The following ZNF106 variants were observed in gnomAD, a reference collection of about 807,000 sequenced individuals.
ZNF106 encodes the protein zinc finger protein 106.
A neutral mutation model predicts 195.1 loss-of-function variants in ZNF106; 67 were observed. That is an observed-to-expected ratio of 0.34 (90% CI 0.28 to 0.42). The LOEUF (loss-of-function observed/expected upper bound fraction) is 0.42, where lower values mean the gene tolerates loss of function less well. Ranked by LOEUF, ZNF106 falls within the 10% of genes least tolerant of loss-of-function variation. The probability of loss-of-function intolerance (pLI) is 1.00; values close to 1 mark genes in which losing one functional copy is unlikely to be tolerated. For synonymous variants in ZNF106, 784 were observed against 818.6 expected, an observed-to-expected ratio of 0.96 and a Z score of 0.72; for missense variants, 2,118 against 2,304.5, an observed-to-expected ratio of 0.92 and a Z score of 1.66.
chr15:42,446,509 G>T, intron 7 of ZNF106, 80 bp downstream of exon 7: 3 of 1,067,458 alleles, frequency 2.8e-6, no homozygotes, highest in Non-Finnish European at 4.2e-6. Context: ...CCCAAGAGTT[G>T]GAGGTTACCA....
chr15:42,463,672 C>T (rs953917040), intron 3 of ZNF106, among the ~76,000 whole-genome samples: 1 of 152,108 alleles, frequency 6.6e-6, no homozygotes, highest in South Asian at 2.1e-4. Flanking sequence ...TGGTGGCACA[C>T]GCCTGTAGTC....
chr15:42,418,885 A>G (rs2141251907), intron 20 of ZNF106, among the ~76,000 whole-genome samples: 1 of 152,072 alleles, frequency 6.6e-6, no homozygotes, highest in African/African-American at 2.4e-5. Context: ...TTTTACTTAT[A>G]AACGTGGCTT....
intron 1 of ZNF106, among the ~76,000 whole-genome samples, chr15:42,480,837 T>C (rs1054257646): frequency 2.0e-5 from 3 of 152,084 alleles, no homozygotes; most frequent in African/African-American, 4.8e-5. Context: ...ATACAAAAAT[T>C]AGCTGGGCGT....
intron 15 of ZNF106, among the ~76,000 whole-genome samples, chr15:42,426,922 T>C (rs1470229346): frequency 1.3e-5 from 2 of 152,210 alleles, no homozygotes; most frequent in Non-Finnish European, 2.9e-5. Context: ...ACTTGGCACT[T>C]GATTATATAC....
chr15:42,462,064 T>A (rs1273685878), intron 3 of ZNF106, among the ~76,000 whole-genome samples: 2 of 152,232 alleles, frequency 1.3e-5, no homozygotes, highest in South Asian at 2.1e-4. Flanking sequence ...TACTAAAGGC[T>A]ATCCTCTAAA....
At chr15:42,447,748 G>A (rs763729865) in intron 6 of ZNF106, among the ~76,000 whole-genome samples, 3 of 152,168 alleles carry the variant, frequency 2.0e-5, no homozygotes, top group East Asian at 1.9e-4. Context: ...AGTGCAGAAC[G>A]CATCTATGAA....
At chr15:42,490,623 T>C (rs1277067871) in intron 1 of ZNF106, among the ~76,000 whole-genome samples, 1 of 152,222 alleles carries the variant, frequency 6.6e-6, no homozygotes, top group Non-Finnish European at 1.5e-5. Context: ...AATGTGTCCC[T>C]GGCCTGAGAC....
Position 42,449,690 on chromosome 15 carries a change from C to T in ZNF106, c.2501+81G>A, listed in dbSNP as rs1435699823. 2.2e-5 allele frequency: 33 copies of T among 1,501,044 alleles called. No homozygotes were observed. In the Middle Eastern group the frequency reaches 6.9e-4, roughly 32 times the overall value. The allele number at this position is 1,501,044 out of a possible 1,614,324, so 93.0% of individuals were successfully genotyped here. A position where few individuals can be genotyped will look rare whatever the true frequency, so the allele number is the denominator to read the frequency against. ...GGCAAACATTTAATTAAATGAAACA[C>T]GTAGAATTCTCTTGATCAGGGTCAA... On this transcript the variant is annotated intron_variant, in intron 5 of 21. Transcript: ENST00000564754.
chr15:42,480,008 G>A (rs569379207), intron 1 of ZNF106, among the ~76,000 whole-genome samples: 131 of 152,142 alleles, frequency 8.6e-4, no homozygotes, highest in Non-Finnish European at 1.6e-3. Flanking sequence ...ATGCCACCAC[G>A]CTGGGCTAAT....
At position 42,424,984 on chromosome 15, in the gene ZNF106, C is replaced by T. The variant is rs546244495; in HGVS notation, c.5040G>A (p.Arg1680=). The change falls in exon 16 of 22, where the codon CGG becomes CGA. Residue 1680 remains arginine, a synonymous_variant. Coordinates refer to ENST00000564754, the MANE Select transcript of ZNF106 (RefSeq NM_001366845.3). ...RLEIFECHGP[R]AVSCLATAQE... ...GAGCTGTAGCAAGACAGCTGACTGC[C>T]CGAGGGCCATGGCATTCAAAGATCT... The T allele has an allele frequency of 6.2e-7, 1 of 1,614,160 alleles. No homozygotes were observed. The highest frequency in any genetic ancestry group is 1.1e-5 in the South Asian group (1 of 91,062).
At chr15:42,424,795 T>G (rs2054794244) in intron 16 of ZNF106, 39 bp downstream of exon 16, 2 of 1,589,670 alleles carry the variant, frequency 1.3e-6, no homozygotes, top group Non-Finnish European at 8.6e-7. Context: ...ACCCTTCTAT[T>G]TGTGCCAGAC....
chr15:42,424,619 C>G (rs910492166), intron 16 of ZNF106: 1 of 502,578 alleles, frequency 2.0e-6, no homozygotes, highest in African/African-American at 1.9e-5. Flanking sequence ...ATAAGTAGTA[C>G]AGGTGCACAC....
chr15:42,445,296 G>A (rs1311710681), intron 7 of ZNF106, among the ~76,000 whole-genome samples: 3 of 152,154 alleles, frequency 2.0e-5, no homozygotes, highest in African/African-American at 7.2e-5. Context: ...TCTAGGACTC[G>A]TTTCCCATTC....
intron 3 of ZNF106, among the ~76,000 whole-genome samples, chr15:42,464,339 C>CAAA (rs113858923): frequency 1.7e-5 from 2 of 115,816 alleles, no homozygotes; most frequent in African/African-American, 3.3e-5. Context: ...GACTCCGTCT[C>CAAA]AAAAAAAAAA....
At chr15:42,424,198 G>T in intron 16 of ZNF106, 138 bp from the exon 17 acceptor site, 2 of 693,730 alleles carry the variant, frequency 2.9e-6, no homozygotes, top group Non-Finnish European at 4.7e-6. Context: ...AAGTTTCTCA[G>T]ATGAATTTTC....
chr15:42,477,797 GGA>G (rs1320781936), intron 1 of ZNF106, among the ~76,000 whole-genome samples: 10 of 152,176 alleles, frequency 6.6e-5, no homozygotes, highest in African/African-American at 2.2e-4. Context: ...GGCTGAGGCA[GGA>G]GAGTCACTTG....
In ZNF106 at chr15:42,450,257, T is replaced by C. The variant is rs747207863; in HGVS notation, c.2015A>G (p.Gln672Arg). The change falls in exon 5 of 22, where the codon CAG (glutamine) becomes CGG (arginine). Residue 672 changes from glutamine (Q) to arginine (R), a missense_variant. Gln to Arg is a conservative substitution (Grantham distance 43). Transcript: ENST00000564754. The part of the protein sequence containing the change: ...STSPCNPIVR[Q>R]KESELQMTSA... ...TGTCATTTGTAATTCAGATTCTTTCTGGCGAACTATGGGATTACATGGGGA... is the reference window on the plus strand; with the variant it reads ...TGTCATTTGTAATTCAGATTCTTTCCGGCGAACTATGGGATTACATGGGGA... 2.9e-5 allele frequency: 47 copies of C among 1,614,214 alleles called. No individual in the cohort carries two copies. Among genetic ancestry groups the C allele is most frequent in the Non-Finnish European group, 3.9e-5 (46 of 1,180,024 alleles).
At position 42,450,289 on chromosome 15, in the gene ZNF106, T is replaced by C. The variant is rs775026513; in HGVS notation, c.1983A>G (p.Leu661=). 2.5e-6 allele frequency: 4 copies of C among 1,614,194 alleles called. No homozygotes were observed. The highest frequency in any genetic ancestry group is 3.3e-5 in the Admixed American group (2 of 60,020). The change falls in exon 5 of 22, where the codon CTA becomes CTG. Residue 661 remains leucine (L), a synonymous_variant. Transcript: ENST00000564754. ...DDRILKTSRE[L]STSPCNPIVR... ...CTATGGGATTACATGGGGAAGTGGA[T>C]AGCTCTCTAGAAGTCTTCAGGATGC...
Position 42,416,649 on chromosome 15 carries a change from C to T in ZNF106, c.*655G>A, listed in dbSNP as rs568047306. 1 of 152,390 alleles carries T rather than the reference C, an allele frequency of 6.6e-6. No individual in the cohort carries two copies. The highest frequency in any genetic ancestry group is 2.4e-5 in the African/African-American group (1 of 41,570). 9.4% of individuals were successfully genotyped at this position (152,390 alleles called of 1,614,324 possible). ...AGAAGTGGTGTCTGTAAGGACTTGT[C>T]ACTATGTGATTTGCTTCCTGAATTC... On this transcript the variant is annotated 3_prime_UTR_variant, in exon 22 of 22. Transcript: ENST00000564754.
Sources: gnomAD v4.1 joint callset for allele counts (sites outside exome capture counted in the v4.1 genomes callset) on GRCh38, gnomAD v4.1.1 for gene constraint, MANE v1.5 for transcripts, NCBI Gene and HGNC (gene_info 2026-07-23, HGNC 2026-07-21) for gene names.